The following FBXL2 variants were observed in gnomAD, a reference collection of about 807,000 sequenced individuals.
The protein encoded by FBXL2 is F-box/LRR-repeat protein 2.
Under a neutral mutation model 69.2 loss-of-function variants are expected in FBXL2, and 38 were observed. The observed-to-expected ratio is 0.55, with a 90% CI of 0.42 to 0.72. The LOEUF is 0.72. Among genes scored for constraint, FBXL2 ranks in the 30% least tolerant of loss-of-function variants. The pLI, the probability that FBXL2 is intolerant of heterozygous loss-of-function variation, is 0.00. For missense variants in FBXL2, 354 were observed against 520.3 expected (o/e 0.68, Z 3.11); for synonymous variants, 192 against 201.3 (o/e 0.95, Z 0.39).
At chr3:33,341,831 G>GCAA (rs2040036727) in intron 2 of FBXL2, among the ~76,000 whole-genome samples, 1 of 19,326 alleles carries the variant, frequency 5.2e-5, no homozygotes, top group African/African-American at 3.5e-4. Context: ...CTCCGTCTCA[G>GCAA]GAAAAAAAAA....
chr3:33,328,231 G>A (rs1162744376), intron 2 of FBXL2, among the ~76,000 whole-genome samples: 1 of 152,160 alleles, frequency 6.6e-6, no homozygotes, highest in Non-Finnish European at 1.5e-5. Context: ...GACATCCCAT[G>A]CTCATGGATC....
intron 4 of FBXL2, chr3:33,364,382 T>G: frequency 9.8e-6 from 5 of 511,734 alleles, no homozygotes; most frequent in Admixed American, 3.6e-5. Flanking sequence ...GGTTTTTGCA[T>G]TTGTGTTTGT....
chr3:33,311,335 T>C (rs1471034547), intron 2 of FBXL2, among the ~76,000 whole-genome samples: 1 of 152,176 alleles, frequency 6.6e-6, no homozygotes, highest in African/African-American at 2.4e-5. Flanking sequence ...TTTTCTGTTA[T>C]TTAGTTATAT....
At position 33,359,371 on chromosome 3, in the gene FBXL2, G is replaced by C. The variant is rs1259794410; in HGVS notation, c.195+14G>C. On this transcript the variant is annotated intron_variant, in intron 4 of 14. Coordinates refer to ENST00000484457, the MANE Select transcript of FBXL2 (RefSeq NM_012157.5). Reference sequence around the variant, plus strand: ...ACAGATGTAGAGGTAAGTTAGCTTTGGTTTAGACAAAAAACTTTTTAAAAA... The same window carrying C: ...ACAGATGTAGAGGTAAGTTAGCTTTCGTTTAGACAAAAAACTTTTTAAAAA... 1.3e-6 allele frequency: 2 copies of C among 1,599,230 alleles called. No individual in the cohort carries two copies. The highest frequency in any genetic ancestry group is 1.3e-5 in the African/African-American group (1 of 74,490).
chr3:33,280,713 C>CA (rs34093056), intron 1 of FBXL2, among the ~76,000 whole-genome samples: 2,511 of 80,940 alleles, frequency 0.031, 70 homozygotes, highest in African/African-American at 0.081. Flanking sequence ...GCCCTGTATC[C>CA]AAAAAAAAAA....
At chr3:33,289,620 A>G (rs960361163) in intron 1 of FBXL2, 1 of 243,086 alleles carries the variant, frequency 4.1e-6, no homozygotes, top group Non-Finnish European at 6.6e-6. Flanking sequence ...AAGAGAAGTC[A>G]ACAGTTACTG....
At chr3:33,402,167 A>G (rs2044254360) in intron 12 of FBXL2, among the ~76,000 whole-genome samples, 2 of 152,360 alleles carry the variant, frequency 1.3e-5, no homozygotes, top group South Asian at 4.1e-4. Flanking sequence ...TTAGTTCTGC[A>G]GCAAAGCCCT....
intron 2 of FBXL2, among the ~76,000 whole-genome samples, chr3:33,326,954 A>G (rs753776258): frequency 1.3e-5 from 2 of 152,228 alleles, no homozygotes; most frequent in Non-Finnish European, 2.9e-5. Flanking sequence ...CTTAACACTC[A>G]GTAATTCTAA....
chr3:33,416,620 G>C, the FBXL2 span: 21 of 618,710 alleles, frequency 3.4e-5, no homozygotes, highest in Non-Finnish European at 4.9e-5. Flanking sequence ...CCATTTTACA[G>C]GTGAATAAAC....
At chr3:33,319,220 C>G (rs565569265) in intron 2 of FBXL2, among the ~76,000 whole-genome samples, 1 of 151,774 alleles carries the variant, frequency 6.6e-6, no homozygotes, top group Non-Finnish European at 1.5e-5. Flanking sequence ...TGTGGGAGTG[C>G]CCATGGCAAG....
rs376352305 is a variant in FBXL2 at position 33,384,068 on chromosome 3, G to A, written c.1031G>A (p.Arg344Gln). 1.1e-5 allele frequency: 17 copies of A among 1,614,006 alleles called. No homozygotes were observed. The highest frequency in any genetic ancestry group is 3.3e-5 in the South Asian group (3 of 91,086). The stretch of plus-strand genomic sequence containing the variant: ...AGTACCTGTGGCCATGAGAGGCTGC[G>A]GGTACTGGAGTTGGACAACTGCCTC... ...SNSTCGHERL[R>Q]VLELDNCLLI... is the part of the protein sequence containing the mutation. Residue 344 changes from arginine (R) to glutamine (Q), a missense_variant, in exon 14 of 15, where the codon CGG (arginine) becomes CAG (glutamine). Coordinates refer to ENST00000484457, the MANE Select transcript of FBXL2 (RefSeq NM_012157.5).
the FBXL2 span, among the ~76,000 whole-genome samples, chr3:33,418,777 T>G: frequency 1.3e-5 from 2 of 149,764 alleles, no homozygotes; most frequent in Admixed American, 6.7e-5. Context: ...AAGAATCGCT[T>G]GAACCTGGGA....
intron 2 of FBXL2, among the ~76,000 whole-genome samples, chr3:33,357,664 G>C (rs1221966873): frequency 1.3e-5 from 2 of 151,678 alleles, no homozygotes; most frequent in African/African-American, 4.8e-5. Context: ...TGAGTAGCTG[G>C]GACTACAGGT....
rs73828177 is a variant in FBXL2 at position 33,372,851 on chromosome 3, T to G, written c.291-241T>G. 7.6e-3 allele frequency: 4,482 copies of G among 590,162 alleles called. 149 individuals carry two copies. Among genetic ancestry groups the G allele is most frequent in the African/African-American group, 0.073 (3,911 of 53,712 alleles). 36.6% of individuals were successfully genotyped at this position (590,162 alleles called of 1,614,324 possible). On this transcript the variant is annotated intron_variant, in intron 5 of 14. Coordinates refer to ENST00000484457, the MANE Select transcript of FBXL2 (RefSeq NM_012157.5). ...GATAGGTAGTCTAGGACTCTGCTTC[T>G]CAAAACGTGGTCCCTAGACTAGCAG...
chr3:33,337,106 G>C (rs2039648939), intron 2 of FBXL2, among the ~76,000 whole-genome samples: 1 of 152,116 alleles, frequency 6.6e-6, no homozygotes, highest in Non-Finnish European at 1.5e-5. Context: ...TCGGGAGGCT[G>C]AGGCAGGAGG....
chr3:33,362,014 C>G (rs1361438468), intron 4 of FBXL2, among the ~76,000 whole-genome samples: 1 of 152,100 alleles, frequency 6.6e-6, no homozygotes, highest in African/African-American at 2.4e-5. Context: ...GTTGTAAGTA[C>G]CATATTAAAG....
In FBXL2 at chr3:33,381,106, C is replaced by T. The variant is rs533817420; in HGVS notation, c.951+2365C>T. 3.3e-5 allele frequency among the ~76,000 whole-genome samples: 5 copies of T among 152,192 alleles called. No individual in the cohort carries two copies. In the South Asian group the frequency reaches 8.3e-4, roughly 25 times the overall value. On this transcript the variant is annotated intron_variant, in intron 13 of 14. Transcript: ENST00000484457. ...CTGTTAACTCAGAACAGGTCAAGCA[C>T]CCTCTGATTTTCCTTAAATCAGTTT...
chr3:33,380,506 T>C (rs1052082211), intron 13 of FBXL2, among the ~76,000 whole-genome samples: 2 of 143,800 alleles, frequency 1.4e-5, no homozygotes, highest in Non-Finnish European at 3.0e-5. Flanking sequence ...TGCTGTGAGC[T>C]GAGATCTCGC....
chr3:33,384,286 C>G (rs915870920), intron 14 of FBXL2, 85 bp downstream of exon 14: 12 of 1,352,184 alleles, frequency 8.9e-6, no homozygotes, highest in Non-Finnish European at 1.2e-5. Flanking sequence ...GGGCTAGGCA[C>G]GCGGTGGCTC....
Sources: gnomAD v4.1 joint callset for allele counts (sites outside exome capture counted in the v4.1 genomes callset) on GRCh38, gnomAD v4.1.1 for gene constraint, MANE v1.5 for transcripts, NCBI Gene and HGNC (gene_info 2026-07-23, HGNC 2026-07-21) for gene names.